Variants in ME1 observed in about 807,000 individuals in gnomAD.
The protein encoded by ME1 is malic enzyme 1.
A neutral mutation model predicts 66.4 loss-of-function variants in ME1; 74 were observed. The ratio of observed to expected loss-of-function variants is 1.11; its 90% CI spans 0.92 to 1.35. The LOEUF is 1.35. Ranked by LOEUF, ME1 falls within the 40% of genes most tolerant of loss-of-function variation. The pLI is 0.00. For missense variants in ME1, 750 were observed against 694.1 expected (o/e 1.08, Z -0.90); for synonymous variants, 251 against 235.6 (o/e 1.07, Z -0.60).
chr6:83,251,934 T>C (rs2128527973), intron 7 of ME1, among the ~76,000 whole-genome samples: 1 of 152,294 alleles, frequency 6.6e-6, no homozygotes, highest in Admixed American at 6.5e-5. Flanking sequence ...AGCACTTAGA[T>C]CTACATCTGA....
In ME1 at chr6:83,292,317, C is replaced by A. The variant is rs149392925; in HGVS notation, c.704+22993G>T. Among the ~76,000 whole-genome samples the A allele has an allele frequency of 7.9e-5, 12 of 152,210 alleles. No individual in the cohort carries two copies. In the East Asian group the frequency reaches 1.9e-3, roughly 25 times the overall value. ...ATAGGGTTTTGGTGTGGATGTCCTT[C>A]TTGTTGATGTTGATGCTATTCCTTT... On this transcript the variant is annotated intron_variant, in intron 6 of 13. Transcript: ENST00000369705.
chr6:83,214,666 C>A (rs1296471918), intron 13 of ME1, among the ~76,000 whole-genome samples: 2 of 152,090 alleles, frequency 1.3e-5, no homozygotes, highest in East Asian at 3.8e-4. Context: ...TTCTTGGCAA[C>A]CTCACCCACT....
At chr6:83,261,662 G>A (rs1466964862) in intron 6 of ME1, among the ~76,000 whole-genome samples, 3 of 152,006 alleles carry the variant, frequency 2.0e-5, no homozygotes, top group Non-Finnish European at 4.4e-5. Flanking sequence ...GGAAAGATCT[G>A]AGAAGAAGAA....
At chr6:83,428,519 T>C (rs916434893) in intron 1 of ME1, among the ~76,000 whole-genome samples, 12 of 152,312 alleles carry the variant, frequency 7.9e-5, no homozygotes, top group African/African-American at 2.6e-4. Flanking sequence ...GGCTGGGTTG[T>C]TGAGGGAAGT....
chr6:83,223,851 T>C lies in ME1; in HGVS notation c.1358A>G (p.Asn453Ser), dbSNP rs774491176. The change falls in exon 12 of 14, where the codon AAC (asparagine) becomes AGC (serine). Residue 453 changes from asparagine to serine, a missense_variant. Coordinates refer to ENST00000369705, the MANE Select transcript of ME1 (RefSeq NM_002395.6). ...NGQTLYPGQG[N>S]NSYVFPGVAL... Reference sequence around the variant, plus strand: ...AACTCCAGGGAACACATAGGAATTGTTGCCTTGGCCAGGATATAGGGTCTG... The same window carrying C: ...AACTCCAGGGAACACATAGGAATTGCTGCCTTGGCCAGGATATAGGGTCTG... 2 of 1,613,990 alleles carry C rather than the reference T, an allele frequency of 1.2e-6. No individual in the cohort carries two copies. The highest frequency in any genetic ancestry group is 1.6e-4 in the Middle Eastern group (1 of 6,062).
At chr6:83,423,597 G>C (rs766790141) in intron 1 of ME1, among the ~76,000 whole-genome samples, 16 of 152,110 alleles carry the variant, frequency 1.1e-4, no homozygotes, top group Non-Finnish European at 1.3e-4. Context: ...TCAGGAGTTT[G>C]ACACTAGATG....
At chr6:83,274,448 G>C (rs1767139392) in intron 6 of ME1, among the ~76,000 whole-genome samples, 1 of 152,092 alleles carries the variant, frequency 6.6e-6, no homozygotes, top group South Asian at 2.1e-4. Flanking sequence ...GTATATTATA[G>C]ATAAGCCTAT....
intron 3 of ME1, among the ~76,000 whole-genome samples, chr6:83,368,509 A>G (rs1769140897): frequency 6.6e-6 from 1 of 152,200 alleles, no homozygotes; most frequent in African/African-American, 2.4e-5. Flanking sequence ...AATATTAACT[A>G]TAAATTACAT....
At chr6:83,260,679 A>G (rs1055721793) in intron 6 of ME1, among the ~76,000 whole-genome samples, 2 of 152,256 alleles carry the variant, frequency 1.3e-5, no homozygotes, top group Admixed American at 6.5e-5. Flanking sequence ...ACTCCCACTT[A>G]TAAGTGAGAA....
chr6:83,247,339 T>C (rs1355985248), intron 7 of ME1, among the ~76,000 whole-genome samples: 1 of 152,110 alleles, frequency 6.6e-6, no homozygotes, highest in African/African-American at 2.4e-5. Flanking sequence ...AATTTCTTAA[T>C]AGATTCAATT....
chr6:83,290,728 G>A (rs185283462), intron 6 of ME1, among the ~76,000 whole-genome samples: 2 of 152,230 alleles, frequency 1.3e-5, no homozygotes, highest in Admixed American at 1.3e-4. Flanking sequence ...GGGTGTTAAA[G>A]TCTCCCACTA....
At chr6:83,258,773 G>A (rs1170434412) in intron 6 of ME1, among the ~76,000 whole-genome samples, 1 of 152,084 alleles carries the variant, frequency 6.6e-6, no homozygotes. Context: ...TAAAAGCCAT[G>A]GTTGAGTTCA....
intron 3 of ME1, among the ~76,000 whole-genome samples, chr6:83,370,506 A>G (rs926480604): frequency 6.6e-6 from 1 of 152,156 alleles, no homozygotes; most frequent in African/African-American, 2.4e-5. Flanking sequence ...ATATCCATAG[A>G]ATGATAAACT....
At chr6:83,279,322 C>T (rs1047980981) in intron 6 of ME1, among the ~76,000 whole-genome samples, 1 of 151,996 alleles carries the variant, frequency 6.6e-6, no homozygotes, top group African/African-American at 2.4e-5. Flanking sequence ...GAAATATAGT[C>T]GGAAAACACA....
At chr6:83,286,795 T>C (rs1767405089) in intron 6 of ME1, among the ~76,000 whole-genome samples, 1 of 152,182 alleles carries the variant, frequency 6.6e-6, no homozygotes, top group South Asian at 2.1e-4. Flanking sequence ...TGTATATTTA[T>C]ATTAAAATTT....
intron 6 of ME1, among the ~76,000 whole-genome samples, chr6:83,295,301 C>G (rs999853164): frequency 3.3e-5 from 5 of 152,166 alleles, no homozygotes; most frequent in Admixed American, 1.3e-4. Flanking sequence ...AAGGAACACT[C>G]AAACACAGAG....
intron 3 of ME1, among the ~76,000 whole-genome samples, chr6:83,388,210 CCT>C (rs934643950): frequency 5.3e-5 from 8 of 151,846 alleles, no homozygotes; most frequent in African/African-American, 1.9e-4. Context: ...ACCTCAGCCC[CCT>C]GAGTAGGTGG....
At chr6:83,229,142 G>A (rs772021614) in intron 9 of ME1, 125 of 602,586 alleles carry the variant, frequency 2.1e-4, no homozygotes, top group Non-Finnish European at 3.0e-4. Context: ...CAATGGAGAT[G>A]TAACAGTGAA....
In ME1 at chr6:83,237,715, A is replaced by C. The variant is rs1287787121; in HGVS notation, c.1026+2T>G. ...TTCTGGTTAAAAATGACAAATTCTTACCTTAACTATTAATCCTTTTGAATC... is the reference window on the plus strand; with the variant it reads ...TTCTGGTTAAAAATGACAAATTCTTCCCTTAACTATTAATCCTTTTGAATC... On this transcript the variant is annotated splice_donor_variant, in intron 9 of 13. Transcript: ENST00000369705. LOFTEE classifies it high-confidence loss of function. The C allele has an allele frequency of 6.5e-7, 1 of 1,540,836 alleles. No individual in the cohort carries two copies. The highest frequency in any genetic ancestry group is 8.9e-7 in the Non-Finnish European group (1 of 1,124,460).
Sources: allele counts gnomAD v4.1 joint callset (sites outside exome capture counted in the v4.1 genomes callset), GRCh38; gene constraint gnomAD v4.1.1; transcripts MANE v1.5; gene names NCBI Gene and HGNC (gene_info 2026-07-23, HGNC 2026-07-21).